STPG1: variants seen among roughly 807,000 people sequenced by gnomAD.
STPG1 encodes sperm tail PG-rich repeat containing 1, also known as O(6)-methylguanine-induced apoptosis 2.
In STPG1, 33 loss-of-function variants were observed where a neutral mutation model predicts 40.1. The ratio of observed to expected loss-of-function variants is 0.82; its 90% CI spans 0.62 to 1.10. The LOEUF (loss-of-function observed/expected upper bound fraction) is 1.10. STPG1 is among the 50% of genes least tolerant of loss of function. STPG1 has a pLI of 0.00. For synonymous variants in STPG1, 150 were observed against 155.0 expected (o/e 0.97, Z 0.24); for missense variants, 396 against 415.1 (o/e 0.95, Z 0.40).
At chr1:24,395,428 ATTTTTTTT>A (rs71577706) in intron 2 of STPG1, among the ~76,000 whole-genome samples, 33 of 128,068 alleles carry the variant, frequency 2.6e-4, no homozygotes, top group African/African-American at 9.0e-4. Flanking sequence ...AAATTGAACA[ATTTTTTTT>A]TTTTTTTTTT....
intron 7 of STPG1, chr1:24,364,156 C>A: frequency 1.4e-6 from 2 of 1,477,758 alleles, no homozygotes; most frequent in South Asian, 1.4e-5. Context: ...AACTCGAATT[C>A]AATTCTTGAC....
intron 7 of STPG1, chr1:24,364,224 C>A (rs141931022): frequency 3.2e-6 from 5 of 1,544,578 alleles, no homozygotes; most frequent in South Asian, 1.2e-5. Flanking sequence ...CTCGCCACCC[C>A]CCACCTGACT....
At chr1:24,380,497 A>G (rs1220638263) in intron 4 of STPG1, among the ~76,000 whole-genome samples, 1 of 152,252 alleles carries the variant, frequency 6.6e-6, no homozygotes, top group African/African-American at 2.4e-5. Flanking sequence ...CTAAGATAGC[A>G]TGGCAAGTAT....
intron 7 of STPG1, among the ~76,000 whole-genome samples, chr1:24,367,961 G>A (rs945418403): frequency 9.2e-5 from 14 of 152,048 alleles, no homozygotes; most frequent in Admixed American, 5.9e-4. Flanking sequence ...TACTCTGGTC[G>A]GCCAACTCCA....
Position 24,359,911 on chromosome 1 carries a change from C to G in STPG1, c.928+940G>C, listed in dbSNP as rs893572720. Among the ~76,000 whole-genome samples, 1 of 152,178 alleles carries G rather than the reference C, an allele frequency of 6.6e-6. No individual in the cohort carries two copies. Among genetic ancestry groups the G allele is most frequent in the Non-Finnish European group, 1.5e-5 (1 of 68,042 alleles). On this transcript the variant is annotated intron_variant, in intron 8 of 8. Coordinates refer to ENST00000337248, the MANE Select transcript of STPG1 (RefSeq NM_001199013.2). This position sits in a 1 kb window ranked among gnomAD's most constrained non-coding sequence, Gnocchi z 5.3. ...GCTCCCAGGTAGATCCCAGATGTAA[C>G]AGGGGATCCCTACTTATGCTTGCCT...
At chr1:24,404,611 C>G (rs1643346666) in intron 1 of STPG1, among the ~76,000 whole-genome samples, 1 of 152,170 alleles carries the variant, frequency 6.6e-6, no homozygotes, top group Admixed American at 6.5e-5. Context: ...CAGGGCTCTT[C>G]AGATTATCTA....
At chr1:24,365,718 T>G (rs774583323) in intron 7 of STPG1, among the ~76,000 whole-genome samples, 5 of 152,214 alleles carry the variant, frequency 3.3e-5, no homozygotes, top group Non-Finnish European at 7.3e-5. Context: ...GTGAATTTTG[T>G]GGGTTATCTC....
At chr1:24,391,480 C>T in intron 3 of STPG1, 81 bp downstream of exon 3, 1 of 893,818 alleles carries the variant, frequency 1.1e-6, no homozygotes, top group Non-Finnish European at 1.7e-6. Flanking sequence ...CAGAAAGACA[C>T]AGCAGCCAGA....
chr1:24,375,784 ACC>A, intron 5 of STPG1, among the ~76,000 whole-genome samples: 1 of 152,154 alleles, frequency 6.6e-6, no homozygotes, highest in Non-Finnish European at 1.5e-5. Context: ...TTTATTTTTC[ACC>A]CAGACAGAAA....
chr1:24,392,034 C>G, intron 2 of STPG1: 1 of 1,041,544 alleles, frequency 9.6e-7, no homozygotes, highest in Non-Finnish European at 1.2e-6. Flanking sequence ...GAGGCGCGGT[C>G]AGGACAGAGG....
At chr1:24,374,720 G>A (rs1641941002) in intron 5 of STPG1, among the ~76,000 whole-genome samples, 1 of 152,096 alleles carries the variant, frequency 6.6e-6, no homozygotes, top group African/African-American at 2.4e-5. Context: ...TGCCTCCCGG[G>A]CTTAAGCAAT....
At chr1:24,379,970 C>T (rs1309872958) in intron 4 of STPG1, 147 bp from the exon 5 acceptor site, 7 of 792,756 alleles carry the variant, frequency 8.8e-6, no homozygotes, top group African/African-American at 7.0e-5. Context: ...AAACTGACCT[C>T]AGGCTTTGAG....
upstream of STPG1, chr1:24,414,706 T>A (rs547625003): frequency 1.3e-5 from 2 of 152,102 alleles, no homozygotes; most frequent in South Asian, 2.1e-4. Context: ...GGCTAATTTT[T>A]AAATTTTTTT....
intron 5 of STPG1, chr1:24,379,224 T>C (rs1162746854): frequency 5.7e-6 from 1 of 176,154 alleles, no homozygotes; most frequent in African/African-American, 2.4e-5. Flanking sequence ...GCGATCATAA[T>C]TGGCACAGCA....
intron 2 of STPG1, among the ~76,000 whole-genome samples, chr1:24,400,350 T>G (rs916097658): frequency 6.6e-6 from 1 of 152,208 alleles, no homozygotes. Flanking sequence ...TAGTGTTTAC[T>G]TTTGCAGGGA....
chr1:24,406,133 CT>C (rs896449557), intron 1 of STPG1, among the ~76,000 whole-genome samples: 1 of 151,618 alleles, frequency 6.6e-6, no homozygotes, highest in Non-Finnish European at 1.5e-5. Context: ...GCCCTTGTCT[CT>C]TTTTTTTGGA....
At chr1:24,372,119 G>A (rs1330677709) in intron 6 of STPG1, among the ~76,000 whole-genome samples, 3 of 151,878 alleles carry the variant, frequency 2.0e-5, no homozygotes, top group Non-Finnish European at 2.9e-5. Context: ...CGGAGGTTGC[G>A]GTGAGCCGAG....
chr1:24,372,106 G>A (rs1407059601), intron 6 of STPG1, among the ~76,000 whole-genome samples: 1 of 151,910 alleles, frequency 6.6e-6, no homozygotes. Context: ...TGAACCCGGG[G>A]GGCGGAGGTT....
intron 4 of STPG1, among the ~76,000 whole-genome samples, chr1:24,380,615 A>C (rs958916961): frequency 2.6e-5 from 4 of 152,226 alleles, no homozygotes; most frequent in African/African-American, 9.6e-5. Flanking sequence ...ACAAACACAG[A>C]AAGTGGGTGA....
Sources: gnomAD v4.1 joint callset for allele counts (sites outside exome capture counted in the v4.1 genomes callset) on GRCh38, gnomAD v4.1.1 for gene constraint, Gnocchi (gnomAD v3.1) non-coding constraint, MANE v1.5 for transcripts, NCBI Gene and HGNC (gene_info 2026-07-23, HGNC 2026-07-21) for gene names.